Variants in KCTD16 observed in about 807,000 individuals in gnomAD.
KCTD16 encodes the protein BTB/POZ domain-containing protein KCTD16.
KCTD16 carries 13 observed loss-of-function variants against 33.2 expected under a neutral mutation model. The observed-to-expected ratio is 0.39, with a 90% CI of 0.25 to 0.62. KCTD16 has a LOEUF of 0.62. KCTD16 is among the 20% of genes least tolerant of loss of function. The pLI, the probability that KCTD16 is intolerant of heterozygous loss-of-function variation, is 0.50. For missense variants in KCTD16, 441 were observed against 525.1 expected (o/e 0.84, Z 1.57); for synonymous variants, 197 against 195.3 (o/e 1.01, Z -0.07).
intron 3 of KCTD16, among the ~76,000 whole-genome samples, chr5:144,454,979 A>C (rs1008103062): frequency 9.2e-5 from 14 of 152,142 alleles, no homozygotes; most frequent in Admixed American, 6.5e-4. Context: ...AAAAAGACAA[A>C]AATTATTGGT....
intron 3 of KCTD16, among the ~76,000 whole-genome samples, chr5:144,428,935 A>G (rs1753395461): frequency 1.3e-5 from 2 of 152,202 alleles, no homozygotes; most frequent in Admixed American, 1.3e-4. Flanking sequence ...GTTTTTTAAC[A>G]TCAGTTGGCA....
At chr5:144,324,930 G>A (rs1416494555) in intron 3 of KCTD16, among the ~76,000 whole-genome samples, 1 of 152,182 alleles carries the variant, frequency 6.6e-6, no homozygotes, top group African/African-American at 2.4e-5. Context: ...CTGTGGCAGG[G>A]GTGAAGGGAG....
At chr5:144,178,861 C>T (rs1752561485) in intron 2 of KCTD16, among the ~76,000 whole-genome samples, 2 of 152,052 alleles carry the variant, frequency 1.3e-5, no homozygotes, top group Admixed American at 1.3e-4. Context: ...AATGTCTCAA[C>T]TTCATATTAA....
chr5:144,473,790 C>G lies in KCTD16; in HGVS notation c.963C>G (p.Ala321=). 1 of 1,614,082 alleles carries G rather than the reference C, an allele frequency of 6.2e-7. No individual in the cohort carries two copies. The highest frequency in any genetic ancestry group is 8.5e-7 in the Non-Finnish European group (1 of 1,179,998). ...STSSCDSQSE[A]SSPQETVICG... ...CTAGCTGCGACAGCCAGTCTGAGGC[C>G]AGCTCTCCCCAGGAGACGGTCATCT... The change falls in exon 4 of 4, where the codon GCC becomes GCG. Residue 321 remains alanine (A), a synonymous_variant. Transcript: ENST00000512467.
intron 3 of KCTD16, among the ~76,000 whole-genome samples, chr5:144,248,568 G>A (rs1420723541): frequency 1.3e-5 from 2 of 152,222 alleles, no homozygotes; most frequent in African/African-American, 4.8e-5. Context: ...CCCTCTGGCT[G>A]CTCTTTTGAA....
At chr5:144,189,866 C>G (rs926931481) in intron 2 of KCTD16, among the ~76,000 whole-genome samples, 3 of 152,270 alleles carry the variant, frequency 2.0e-5, no homozygotes, top group African/African-American at 7.2e-5. Flanking sequence ...CCTTCCTTCT[C>G]CACAGTGGCT....
chr5:144,201,964 A>G (rs1753052874), intron 2 of KCTD16, among the ~76,000 whole-genome samples: 1 of 152,234 alleles, frequency 6.6e-6, no homozygotes, highest in African/African-American at 2.4e-5. Context: ...TGATCACATT[A>G]TTTCAAAATT....
intron 3 of KCTD16, among the ~76,000 whole-genome samples, chr5:144,412,395 A>G (rs965695835): frequency 1.3e-5 from 2 of 152,234 alleles, no homozygotes; most frequent in African/African-American, 2.4e-5. Context: ...ACTGGAAGTC[A>G]TTATGTTAAG....
chr5:144,194,013 A>G (rs1037183142), intron 2 of KCTD16, among the ~76,000 whole-genome samples: 1 of 152,196 alleles, frequency 6.6e-6, no homozygotes, highest in African/African-American at 2.4e-5. Context: ...AGGTGCTGGT[A>G]GATCTCTGTA....
At chr5:144,199,854 A>C (rs562229902) in intron 2 of KCTD16, among the ~76,000 whole-genome samples, 1 of 151,630 alleles carries the variant, frequency 6.6e-6, no homozygotes, top group Non-Finnish European at 1.5e-5. Context: ...AGCTGGGACT[A>C]CAAGTGCGTA....
intron 3 of KCTD16, among the ~76,000 whole-genome samples, chr5:144,243,695 G>A (rs1257414066): frequency 6.6e-6 from 1 of 152,008 alleles, no homozygotes; most frequent in African/African-American, 2.4e-5. Context: ...CAAATTCAAA[G>A]GTCCAGATGA....
chr5:144,409,395 C>T (rs758760247), intron 3 of KCTD16, among the ~76,000 whole-genome samples: 1 of 152,108 alleles, frequency 6.6e-6, no homozygotes, highest in Non-Finnish European at 1.5e-5. Context: ...GTAGTTTCTA[C>T]TGACTGAACC....
intron 2 of KCTD16, among the ~76,000 whole-genome samples, chr5:144,195,175 C>A (rs1662299184): frequency 6.6e-6 from 1 of 152,322 alleles, no homozygotes. Flanking sequence ...AAACTATAGG[C>A]ATACCCTGTT....
chr5:144,336,355 C>T (rs957288731), intron 3 of KCTD16, among the ~76,000 whole-genome samples: 2 of 152,220 alleles, frequency 1.3e-5, no homozygotes, highest in African/African-American at 4.8e-5. Flanking sequence ...ACAAAGTCTG[C>T]TAATCCAAGA....
chr5:144,383,569 A>C (rs184946877), intron 3 of KCTD16, among the ~76,000 whole-genome samples: 2 of 152,210 alleles, frequency 1.3e-5, no homozygotes, highest in East Asian at 3.9e-4. Flanking sequence ...GAAACATTCT[A>C]AAGTAATTAG....
chr5:144,442,819 T>C (rs1214888900), intron 3 of KCTD16, among the ~76,000 whole-genome samples: 1 of 152,064 alleles, frequency 6.6e-6, no homozygotes, highest in Non-Finnish European at 1.5e-5. Flanking sequence ...TGGTTAAGCA[T>C]GGAGACCTGC....
intron 3 of KCTD16, among the ~76,000 whole-genome samples, chr5:144,227,941 G>C (rs186322282): frequency 1.2e-3 from 187 of 152,306 alleles, no homozygotes; most frequent in Middle Eastern, 3.4e-3. Flanking sequence ...CCTGAGGAAA[G>C]ATTGCCTTTT....
intron 3 of KCTD16, among the ~76,000 whole-genome samples, chr5:144,246,787 T>G (rs1754561243): frequency 6.6e-6 from 1 of 152,154 alleles, no homozygotes; most frequent in Admixed American, 6.5e-5. Context: ...GTCATCATCG[T>G]CTCCCCTTTT....
At chr5:144,275,350 T>G (rs1302126568) in intron 3 of KCTD16, among the ~76,000 whole-genome samples, 1 of 152,194 alleles carries the variant, frequency 6.6e-6, no homozygotes, top group East Asian at 1.9e-4. Context: ...TCATTGCACC[T>G]AATAACCAGA....
Sources: gnomAD v4.1 joint callset for allele counts (sites outside exome capture counted in the v4.1 genomes callset) on GRCh38, gnomAD v4.1.1 for gene constraint, MANE v1.5 for transcripts, NCBI Gene and HGNC (gene_info 2026-07-23, HGNC 2026-07-21) for gene names.